The following C10orf90 variants were observed in gnomAD, a reference collection of about 807,000 sequenced individuals.
The protein encoded by C10orf90 is chromosome 10 open reading frame 90, also known as (E2-independent) E3 ubiquitin-conjugating enzyme FATS.
A neutral mutation model predicts 62.5 loss-of-function variants in C10orf90; 56 were observed. The ratio of observed to expected loss-of-function variants is 0.90; its 90% CI spans 0.72 to 1.12. The LOEUF is 1.12. Ranked by LOEUF, C10orf90 falls within the 50% of genes most tolerant of loss-of-function variation. C10orf90 has a pLI of 0.00. For missense variants in C10orf90, 970 were observed against 880.4 expected (o/e 1.10, Z -1.29); for synonymous variants, 386 against 340.4 (o/e 1.13, Z -1.47).
intron 7 of C10orf90, among the ~76,000 whole-genome samples, chr10:126,436,511 G>A (rs2134006180): frequency 6.6e-6 from 1 of 152,244 alleles, no homozygotes; most frequent in Admixed American, 6.5e-5. Context: ...GCTTGCCTGA[G>A]CCTCCATAAA....
intron 1 of C10orf90, among the ~76,000 whole-genome samples, chr10:126,667,384 G>T (rs182193635): frequency 6.6e-6 from 1 of 152,204 alleles, no homozygotes; most frequent in Admixed American, 6.5e-5. Flanking sequence ...TTAAAAGAAT[G>T]AATAGAAAAA....
At chr10:126,516,957 A>C (rs1234206249) in intron 2 of C10orf90, among the ~76,000 whole-genome samples, 1 of 152,062 alleles carries the variant, frequency 6.6e-6, no homozygotes, top group Non-Finnish European at 1.5e-5. Context: ...TCCCTCTTGT[A>C]AGGACCCTTG....
At chr10:126,622,263 T>C (rs1845658924) in intron 2 of C10orf90, among the ~76,000 whole-genome samples, 2 of 152,122 alleles carry the variant, frequency 1.3e-5, no homozygotes, top group Non-Finnish European at 2.9e-5. Context: ...TCCACCAACC[T>C]TCTCTAGCTC....
intron 2 of C10orf90, among the ~76,000 whole-genome samples, chr10:126,613,308 C>T (rs1052899389): frequency 1.3e-5 from 2 of 152,130 alleles, no homozygotes; most frequent in Non-Finnish European, 2.9e-5. Flanking sequence ...GATCTTGGCC[C>T]ACCGGAGGCT....
intron 2 of C10orf90, among the ~76,000 whole-genome samples, chr10:126,579,748 T>C (rs1278137713): frequency 2.0e-5 from 3 of 150,892 alleles, no homozygotes; most frequent in Non-Finnish European, 2.9e-5. Context: ...CACATATGTT[T>C]GTAAAGTAAT....
chr10:126,632,076 A>G (rs1242701258), intron 2 of C10orf90, among the ~76,000 whole-genome samples: 1 of 152,122 alleles, frequency 6.6e-6, no homozygotes, highest in East Asian at 1.9e-4. Context: ...ATTTCCAAGA[A>G]TGACCTCGAA....
intron 4 of C10orf90, among the ~76,000 whole-genome samples, chr10:126,473,770 G>C (rs577781492): frequency 6.6e-6 from 1 of 152,110 alleles, no homozygotes; most frequent in East Asian, 1.9e-4. Flanking sequence ...AGACAGATGC[G>C]TGGTAGCATA....
chr10:126,475,820 G>A lies in C10orf90; in HGVS notation c.1535-10834C>T, dbSNP rs190125568. Among the ~76,000 whole-genome samples the A allele has an allele frequency of 2.6e-5, 4 of 152,306 alleles. No individual in the cohort carries two copies. The East Asian group carries it at 7.7e-4, about 29-fold the overall frequency. On this transcript the variant is annotated intron_variant, in intron 4 of 9. Coordinates refer to ENST00000488181, the MANE Select transcript of C10orf90 (RefSeq NM_001350921.2). The stretch of plus-strand genomic sequence containing the variant: ...TATATGACCAAACAGTAGGCCTAAG[G>A]AGGAGTTACAAAATCAGAGGTTTTA...
In C10orf90 at chr10:126,638,807, C is replaced by T. The variant is rs532824467; in HGVS notation, c.313+7758G>A. ...ACAGACCCAATGTGTTCACACGGTT[C>T]CTCAGTGCAGTCCTCACGGAGCCCT... is the stretch of plus-strand genomic sequence containing the variant. On this transcript the variant is annotated intron_variant, in intron 2 of 9. Coordinates refer to ENST00000488181, the MANE Select transcript of C10orf90 (RefSeq NM_001350921.2). Among the ~76,000 whole-genome samples, 161 of 152,296 alleles carry T rather than the reference C, an allele frequency of 1.1e-3. 1 individual carries two copies. Among genetic ancestry groups the T allele is most frequent in the Non-Finnish European group, 2.4e-4 (16 of 68,028 alleles).
At chr10:126,517,132 C>A (rs921439518) in intron 2 of C10orf90, among the ~76,000 whole-genome samples, 2 of 152,064 alleles carry the variant, frequency 1.3e-5, no homozygotes, top group African/African-American at 4.8e-5. Flanking sequence ...TTCTGCCCAC[C>A]ACAGACTAGT....
chr10:126,583,745 T>TC (rs1415664794), intron 2 of C10orf90, among the ~76,000 whole-genome samples: 1 of 152,176 alleles, frequency 6.6e-6, no homozygotes, highest in East Asian at 1.9e-4. Context: ...AGTAATACTT[T>TC]CCCAGAAGGC....
intron 2 of C10orf90, among the ~76,000 whole-genome samples, chr10:126,630,281 C>T (rs1591158825): frequency 6.6e-6 from 1 of 152,196 alleles, no homozygotes; most frequent in South Asian, 2.1e-4. Flanking sequence ...TCTGGACCCC[C>T]ACTCTGTGCT....
At chr10:126,481,815 C>T (rs370252965) in intron 4 of C10orf90, among the ~76,000 whole-genome samples, 39 of 152,234 alleles carry the variant, frequency 2.6e-4, no homozygotes, top group African/African-American at 8.9e-4. Context: ...CCAAGTTGGG[C>T]CACACAAACC....
In C10orf90 at chr10:126,529,660, G is replaced by A. The variant is rs184120760; in HGVS notation, c.314-15721C>T. Among the ~76,000 whole-genome samples, 608 of 152,212 alleles carry A rather than the reference G, an allele frequency of 4.0e-3. 12 individuals are homozygous for A. The highest frequency in any genetic ancestry group is 0.035 in the Admixed American group (540 of 15,288). ...TAAAGAGAGAAAGGCAAAATAAAAT[G>A]ACAATAAGAGACCATTCCGCATCTA... On this transcript the variant is annotated intron_variant, in intron 2 of 9. Coordinates refer to ENST00000488181, the MANE Select transcript of C10orf90 (RefSeq NM_001350921.2).
At chr10:126,516,802 G>A (rs932631583) in intron 2 of C10orf90, among the ~76,000 whole-genome samples, 1 of 152,128 alleles carries the variant, frequency 6.6e-6, no homozygotes, top group Non-Finnish European at 1.5e-5. Context: ...AATCAAGGTG[G>A]TGGCAGGGCT....
rs141542615 is a variant in C10orf90, at chr10:126,601,345, G to A, written c.313+45220C>T. Reference sequence around the variant, plus strand: ...AAATAAGTAGATTGTAACTGCTCTTGCCCCCAAAAAGTAACTATGTGTATG... The same window carrying A: ...AAATAAGTAGATTGTAACTGCTCTTACCCCCAAAAAGTAACTATGTGTATG... On this transcript the variant is annotated intron_variant, in intron 2 of 9. Transcript: ENST00000488181. Among the ~76,000 whole-genome samples the A allele has an allele frequency of 2.6e-4, 40 of 152,214 alleles. No homozygotes were observed. In the East Asian group the frequency reaches 7.3e-3, roughly 28 times the overall value.
In C10orf90 at chr10:126,593,865, A is replaced by G. The variant is rs376588831; in HGVS notation, c.313+52700T>C. On this transcript the variant is annotated intron_variant, in intron 2 of 9. Transcript: ENST00000488181. ...GGGTGTATCATATTTATGCTCCACA[A>G]ACAGTATCCTAGGTCTTCCAGGCAG... Among the ~76,000 whole-genome samples, 8 of 152,212 alleles carry G rather than the reference A, an allele frequency of 5.3e-5. No homozygotes were observed. In the South Asian group the frequency reaches 1.2e-3, roughly 24 times the overall value.
chr10:126,611,471 C>A (rs1845433339), intron 2 of C10orf90, among the ~76,000 whole-genome samples: 1 of 152,110 alleles, frequency 6.6e-6, no homozygotes, highest in African/African-American at 2.4e-5. Context: ...CATTTGTGTA[C>A]AAGTTTTATG....
At chr10:126,576,938 TA>T (rs949633936) in intron 2 of C10orf90, among the ~76,000 whole-genome samples, 38 of 148,762 alleles carry the variant, frequency 2.6e-4, no homozygotes, top group African/African-American at 6.4e-4. Flanking sequence ...GTGTGGAGGC[TA>T]AAAAAAAAGT....
Sources: gnomAD v4.1 joint callset for allele counts (sites outside exome capture counted in the v4.1 genomes callset) on GRCh38, gnomAD v4.1.1 for gene constraint, MANE v1.5 for transcripts, NCBI Gene and HGNC (gene_info 2026-07-23, HGNC 2026-07-21) for gene names.